ITGB6: variants seen among roughly 807,000 people sequenced by gnomAD.
The protein encoded by ITGB6 is integrin beta-6.
A neutral mutation model predicts 84.5 loss-of-function variants in ITGB6; 80 were observed. The observed-to-expected ratio is 0.95, with a 90% CI of 0.79 to 1.14. The LOEUF (loss-of-function observed/expected upper bound fraction) is 1.14, where lower values mean the gene tolerates loss of function less well. Among genes scored for constraint, ITGB6 ranks in the 50% most tolerant of loss-of-function variants. The probability of loss-of-function intolerance (pLI) is 0.00; values close to 1 mark genes in which losing one functional copy is unlikely to be tolerated. For synonymous variants in ITGB6, 383 were observed against 354.9 expected, an observed-to-expected ratio of 1.08 and a Z score of -0.89; for missense variants, 1,006 against 968.0, an observed-to-expected ratio of 1.04 and a Z score of -0.52.
chr2:160,107,562 T>C, intron 14 of ITGB6, 117 bp downstream of exon 14: 1 of 897,248 alleles, frequency 1.1e-6, no homozygotes, highest in South Asian at 1.6e-5. Flanking sequence ...ATGGCGAGAG[T>C]GGGAGAGAAA....
rs1166450695 is a variant in ITGB6, at chr2:160,151,127, ATCAAGAGAATATACATTCTTC to A, written c.1018-9077_1018-9057del. Reference sequence around the variant, plus strand: ...ATGTCTACAGAACTCTCCACCCCAAATCAAGAGAATATACATTCTTCTCAGCACCACATTGCACTTCTTTTA... The same window carrying A: ...ATGTCTACAGAACTCTCCACCCCAAATCAGCACCACATTGCACTTCTTTTA... On this transcript the variant is annotated intron_variant, in intron 7 of 14. Coordinates refer to ENST00000283249, the MANE Select transcript of ITGB6 (RefSeq NM_000888.5). Among the ~76,000 whole-genome samples the A allele has an allele frequency of 9.2e-5, 14 of 152,264 alleles. No individual in the cohort carries two copies. The South Asian group carries it at 2.9e-3, about 32-fold the overall frequency.
intron 11 of ITGB6, among the ~76,000 whole-genome samples, chr2:160,124,489 T>C (rs932834358): frequency 6.6e-6 from 1 of 152,240 alleles, no homozygotes; most frequent in African/African-American, 2.4e-5. Flanking sequence ...AAAAGATCAC[T>C]ATTTATAGAA....
In ITGB6 at chr2:160,101,729, A is replaced by G; in HGVS notation, c.*7T>C. On this transcript the variant is annotated 3_prime_UTR_variant, in exon 15 of 15. Transcript: ENST00000283249. ...TGAAACAGACTTTTTTCATGCATAA[A>G]GTAGTTCTAGCAATCTGTGGAAAGG... The G allele has an allele frequency of 6.9e-7, 1 of 1,445,226 alleles. No homozygotes were observed. The highest frequency in any genetic ancestry group is 9.7e-7 in the Non-Finnish European group (1 of 1,027,828). The allele number at this position is 1,445,226 out of a possible 1,614,324, so 89.5% of individuals were successfully genotyped here. A position where few individuals can be genotyped will look rare whatever the true frequency, so the allele number is the denominator to read the frequency against.
At chr2:160,176,422 G>A (rs1450172534) in intron 4 of ITGB6, among the ~76,000 whole-genome samples, 1 of 152,176 alleles carries the variant, frequency 6.6e-6, no homozygotes, top group Non-Finnish European at 1.5e-5. Context: ...GGGCCAGTCT[G>A]TCGCTTCCAG....
At chr2:160,119,461 A>T (rs1258439924) in intron 12 of ITGB6, among the ~76,000 whole-genome samples, 1 of 152,100 alleles carries the variant, frequency 6.6e-6, no homozygotes, top group East Asian at 1.9e-4. Flanking sequence ...CTGGCTAGCC[A>T]TATGTAGAAA....
At chr2:160,122,169 A>G (rs553756324) in intron 12 of ITGB6, among the ~76,000 whole-genome samples, 7 of 152,222 alleles carry the variant, frequency 4.6e-5, no homozygotes, top group Non-Finnish European at 1.0e-4. Context: ...TTTATTTTCA[A>G]TTGCTGAGTT....
At chr2:160,126,632 A>C in intron 10 of ITGB6, 31 bp from the exon 11 acceptor site, 1 of 1,593,818 alleles carries the variant, frequency 6.3e-7, no homozygotes, top group South Asian at 1.1e-5. Context: ...TGCTTCTCAC[A>C]GCCCCAAAAC....
intron 10 of ITGB6, among the ~76,000 whole-genome samples, chr2:160,134,149 G>C (rs1009657242): frequency 6.6e-6 from 1 of 152,112 alleles, no homozygotes; most frequent in African/African-American, 2.4e-5. Flanking sequence ...AAAATTGATA[G>C]ACCACTAGCA....
At position 160,172,687 on chromosome 2, in the gene ITGB6, A is replaced by G; in HGVS notation, c.803T>C (p.Phe268Ser). Residue 268 changes from phenylalanine (F) to serine (S), a missense_variant, in exon 6 of 15, where the codon TTT (phenylalanine) becomes TCT (serine). By Grantham distance (155) the Phe-to-Ser change is radical. Coordinates refer to ENST00000283249, the MANE Select transcript of ITGB6 (RefSeq NM_000888.5). ...AAAATGAGAATCAGCATCACTCACA[A>G]AGACCAGGAGGTGGAGGGAGTCATT... ...WRNDSLHLLV[F>S]VSDADSHFGM... The G allele has an allele frequency of 6.2e-7, 1 of 1,609,364 alleles. No individual in the cohort carries two copies. Among genetic ancestry groups the G allele is most frequent in the East Asian group, 2.2e-5 (1 of 44,740 alleles).
chr2:160,107,543 G>T, intron 14 of ITGB6, 136 bp downstream of exon 14: 2 of 751,942 alleles, frequency 2.7e-6, no homozygotes, highest in Non-Finnish European at 4.4e-6. Context: ...AATCAAAGCT[G>T]TTGGAGTCAT....
intron 8 of ITGB6, 48 bp downstream of exon 8, chr2:160,141,934 T>C (rs759423724): frequency 2.5e-6 from 3 of 1,201,670 alleles, no homozygotes; most frequent in African/African-American, 1.5e-5. Context: ...TCTTAGTTTT[T>C]GAATACCAAA....
At chr2:160,194,093 G>T (rs909909473) in intron 4 of ITGB6, among the ~76,000 whole-genome samples, 1 of 152,140 alleles carries the variant, frequency 6.6e-6, no homozygotes. Context: ...GGAGGCAGAG[G>T]TTACAGTGAG....
intron 10 of ITGB6, among the ~76,000 whole-genome samples, chr2:160,136,722 T>C (rs1411256920): frequency 6.6e-6 from 1 of 152,190 alleles, no homozygotes; most frequent in Non-Finnish European, 1.5e-5. Flanking sequence ...TATGCAGCCT[T>C]AAAAAATGAT....
chr2:160,147,799 T>C (rs922955173), intron 7 of ITGB6, among the ~76,000 whole-genome samples: 4 of 152,162 alleles, frequency 2.6e-5, no homozygotes, highest in Admixed American at 1.3e-4. Context: ...GACACATTAT[T>C]ACACCCTTCA....
Position 160,112,163 on chromosome 2 carries a change from T to C in ITGB6, c.2018A>G (p.Gln673Arg). ...TGTAATAAGACATTCATTTTCTCCT[T>C]GCAGAGAGCAGGAAACAGAACCATC... is the stretch of plus-strand genomic sequence containing the variant. ...SKDGSVSCSL[Q>R]GENECLITFL... The change falls in exon 13 of 15, where the codon CAA becomes CGA. Residue 673 changes from glutamine to arginine, a missense_variant. By Grantham distance (43) the Gln-to-Arg change is conservative. Transcript: ENST00000283249. 1.2e-6 allele frequency: 2 copies of C among 1,612,700 alleles called. No homozygotes were observed. The highest frequency in any genetic ancestry group is 2.2e-5 in the East Asian group (1 of 44,882).
chr2:160,174,025 AATATT>A lies in ITGB6; in HGVS notation c.703_707del (p.Asn235Ter). On this transcript the variant is annotated frameshift_variant, in exon 5 of 15. Coordinates refer to ENST00000283249, the MANE Select transcript of ITGB6 (RefSeq NM_000888.5). LOFTEE classifies it high-confidence loss of function. ...CATCAAATCCACCTTCGGGTGTGTC[AATATT>A]AGCAGAAATTTTCTGATTCTTCACA... 1 of 1,613,836 alleles carries A rather than the reference AATATT, an allele frequency of 6.2e-7. No homozygotes were observed. Among genetic ancestry groups the A allele is most frequent in the Non-Finnish European group, 8.5e-7 (1 of 1,179,912 alleles).
At chr2:160,107,389 G>C (rs895560501) in intron 14 of ITGB6, among the ~76,000 whole-genome samples, 23 of 152,040 alleles carry the variant, frequency 1.5e-4, no homozygotes, top group Non-Finnish European at 3.1e-4. Flanking sequence ...GGAAGCGCTG[G>C]GTAAAAATAT....
chr2:160,109,632 C>A (rs920773698), intron 13 of ITGB6, among the ~76,000 whole-genome samples: 1 of 152,242 alleles, frequency 6.6e-6, no homozygotes, highest in Admixed American at 6.5e-5. Flanking sequence ...CAATAGAGAT[C>A]ATCACTTTTC....
chr2:160,174,525 G>A (rs2105870950), intron 4 of ITGB6, among the ~76,000 whole-genome samples: 1 of 152,210 alleles, frequency 6.6e-6, no homozygotes, highest in East Asian at 1.9e-4. Context: ...GTCATCAAGT[G>A]TGAATCACCC....
Sources: gnomAD v4.1 joint callset for allele counts (sites outside exome capture counted in the v4.1 genomes callset) on GRCh38, gnomAD v4.1.1 for gene constraint, MANE v1.5 for transcripts, NCBI Gene and HGNC (gene_info 2026-07-23, HGNC 2026-07-21) for gene names.